HDAC9: variants seen among roughly 807,000 people sequenced by gnomAD.
The protein encoded by HDAC9 is histone deacetylase 9, also known as MEF-2 interacting transcription repressor (MITR) protein.
HDAC9 carries 41 observed loss-of-function variants against 139.4 expected under a neutral mutation model. The observed-to-expected ratio is 0.29, with a 90% CI of 0.23 to 0.38. The LOEUF (loss-of-function observed/expected upper bound fraction) is 0.38, where lower values mean the gene tolerates loss of function less well. HDAC9 is among the 10% of genes least tolerant of loss of function. The probability of loss-of-function intolerance (pLI) is 1.00; values close to 1 mark genes in which losing one functional copy is unlikely to be tolerated. For missense variants in HDAC9, 1,147 were observed against 1,297.0 expected (o/e 0.88, Z 1.78); for synonymous variants, 517 against 476.2 (o/e 1.09, Z -1.12).
intron 25 of HDAC9, among the ~76,000 whole-genome samples, chr7:18,988,368 C>T (rs995730234): frequency 2.5e-4 from 38 of 151,802 alleles, no homozygotes; most frequent in East Asian, 1.2e-3. Flanking sequence ...TGTAGTTGAG[C>T]GGTTTTGAGT....
chr7:18,207,800 C>T (rs4721703), intron 2 of HDAC9, among the ~76,000 whole-genome samples: 129,268 of 151,720 alleles, frequency 0.85, 55,395 homozygotes, highest in East Asian at 0.96. Context: ...CCACAACCTC[C>T]GCCTCCCGGG....
At chr7:18,477,392 T>C (rs1353637115) in intron 1 of HDAC9, among the ~76,000 whole-genome samples, 1 of 151,934 alleles carries the variant, frequency 6.6e-6, no homozygotes, top group Non-Finnish European at 1.5e-5. Flanking sequence ...CAGTTATGTG[T>C]GCGTGCGTGC....
chr7:18,908,190 TA>T (rs1166353850), intron 22 of HDAC9, among the ~76,000 whole-genome samples: 1 of 152,100 alleles, frequency 6.6e-6, no homozygotes, highest in Non-Finnish European at 1.5e-5. Flanking sequence ...ACATCAATTA[TA>T]GTGCCTTTAT....
At chr7:18,954,961 T>A (rs1585400913) in intron 24 of HDAC9, among the ~76,000 whole-genome samples, 1 of 152,040 alleles carries the variant, frequency 6.6e-6, no homozygotes, top group East Asian at 1.9e-4. Context: ...GAGATATGGG[T>A]TGACTGGAGT....
rs919289389 is a variant in HDAC9 at position 18,661,754 on chromosome 7, C to A, written c.1468-4459C>A. The stretch of plus-strand genomic sequence containing the variant: ...GAATTCTGCTCTTGGAAAAAGATCA[C>A]AACGTTATTTATTCTGGCTTTTTTC... On this transcript the variant is annotated intron_variant, in intron 11 of 25. Coordinates refer to ENST00000686413, the MANE Select transcript of HDAC9 (RefSeq NM_178425.4). Among the ~76,000 whole-genome samples, 48 of 152,262 alleles carry A rather than the reference C, an allele frequency of 3.2e-4. No individual in the cohort carries two copies. The Middle Eastern group carries it at 0.01, about 32-fold the overall frequency.
chr7:18,143,418 G>A (rs1236935260), intron 1 of HDAC9, among the ~76,000 whole-genome samples: 1 of 152,116 alleles, frequency 6.6e-6, no homozygotes, highest in Non-Finnish European at 1.5e-5. Flanking sequence ...TTATTGACAG[G>A]GTGGAGGCAG....
intron 12 of HDAC9, among the ~76,000 whole-genome samples, chr7:18,701,328 A>G (rs1262717386): frequency 6.6e-6 from 1 of 151,830 alleles, no homozygotes. Context: ...CTGTAATCTG[A>G]CATGCCAAAA....
intron 1 of HDAC9, among the ~76,000 whole-genome samples, chr7:18,096,883 T>TTGTG (rs59590063): frequency 0.2 from 28,564 of 145,136 alleles, 2,748 homozygotes; most frequent in Admixed American, 0.23. Flanking sequence ...CTTGTTGGCT[T>TTGTG]TGTGTGTGTG....
intron 1 of HDAC9, among the ~76,000 whole-genome samples, chr7:18,386,138 A>G (rs781419506): frequency 2.0e-4 from 30 of 152,158 alleles, no homozygotes; most frequent in Admixed American, 5.2e-4. Flanking sequence ...TAACTCATCA[A>G]TGAAGCTCTC....
rs191892978 is a variant in HDAC9, at chr7:18,615,383, A to G, written c.665-13967A>G. On this transcript the variant is annotated intron_variant, in intron 6 of 25. Transcript: ENST00000686413. ...TGTGTAAAACAACAGCAACAAAAAAAGGGAAATACTCCCATTCAAGTTTTG... is the reference window on the plus strand; with the variant it reads ...TGTGTAAAACAACAGCAACAAAAAAGGGGAAATACTCCCATTCAAGTTTTG... Among the ~76,000 whole-genome samples the G allele has an allele frequency of 3.8e-3, 579 of 152,322 alleles. 1 individual carries two copies. The highest frequency in any genetic ancestry group is 0.013 in the African/African-American group (544 of 41,588).
chr7:18,520,911 A>G (rs1185291312), intron 2 of HDAC9, among the ~76,000 whole-genome samples: 1 of 152,194 alleles, frequency 6.6e-6, no homozygotes, highest in Non-Finnish European at 1.5e-5. Flanking sequence ...TGAAGAAATT[A>G]TAGTTCTGAT....
chr7:18,290,807 A>G (rs1797757765), intron 1 of HDAC9, among the ~76,000 whole-genome samples: 1 of 152,220 alleles, frequency 6.6e-6, no homozygotes, highest in African/African-American at 2.4e-5. Context: ...TTGATGAATA[A>G]GTTCCTGTAC....
intron 1 of HDAC9, among the ~76,000 whole-genome samples, chr7:18,477,137 T>A (rs1795172012): frequency 6.6e-6 from 1 of 152,152 alleles, no homozygotes. Context: ...TTTCTCTGAC[T>A]CCAAAGCTAA....
intron 13 of HDAC9, among the ~76,000 whole-genome samples, chr7:18,742,216 A>C (rs978827756): frequency 6.6e-6 from 1 of 152,210 alleles, no homozygotes; most frequent in South Asian, 2.1e-4. Flanking sequence ...ATGTTTTGTG[A>C]AAGGAAGATT....
chr7:18,206,911 A>C (rs1791551586), intron 2 of HDAC9, among the ~76,000 whole-genome samples: 1 of 149,988 alleles, frequency 6.7e-6, no homozygotes, highest in African/African-American at 2.5e-5. Flanking sequence ...CATTCAAAAA[A>C]TGATTCGAGA....
At chr7:18,459,484 T>C (rs1243905712) in intron 1 of HDAC9, among the ~76,000 whole-genome samples, 2 of 152,154 alleles carry the variant, frequency 1.3e-5, no homozygotes, top group Non-Finnish European at 2.9e-5. Flanking sequence ...TTTAAAGCAT[T>C]TGTCTTCTGG....
At chr7:18,475,437 CT>C (rs1243617901) in intron 1 of HDAC9, among the ~76,000 whole-genome samples, 1 of 152,176 alleles carries the variant, frequency 6.6e-6, no homozygotes, top group Non-Finnish European at 1.5e-5. Context: ...ACCATTTCCC[CT>C]GTCCCGGGAG....
At position 18,997,448 on chromosome 7, in the gene HDAC9, A is replaced by AACAT. The variant is rs1445555453; in HGVS notation, c.*1388_*1391dup. The AACAT allele has an allele frequency of 1.3e-5, 2 of 152,196 alleles. No homozygotes were observed. Among genetic ancestry groups the AACAT allele is most frequent in the African/African-American group, 4.8e-5 (2 of 41,474 alleles). 9.4% of individuals were successfully genotyped at this position (152,196 alleles called of 1,614,324 possible). A position where few individuals can be genotyped will look rare whatever the true frequency, so the allele number is the denominator to read the frequency against. ...CTCCTACCTCCTAAAATTCGATTTCAACATATAACTCAAACACCTAAACAT... is the reference window on the plus strand; with the variant it reads ...CTCCTACCTCCTAAAATTCGATTTCAACATACATATAACTCAAACACCTAAACAT... On this transcript the variant is annotated 3_prime_UTR_variant, in exon 26 of 26. Coordinates refer to ENST00000686413, the MANE Select transcript of HDAC9 (RefSeq NM_178425.4).
At chr7:18,462,307 G>T (rs533623994) in intron 1 of HDAC9, among the ~76,000 whole-genome samples, 9 of 151,824 alleles carry the variant, frequency 5.9e-5, no homozygotes, top group Admixed American at 1.3e-4. Flanking sequence ...ACTCTTCATA[G>T]AACTGTTTTA....
Sources: allele counts gnomAD v4.1 joint callset (sites outside exome capture counted in the v4.1 genomes callset), GRCh38; gene constraint gnomAD v4.1.1; transcripts MANE v1.5; gene names NCBI Gene and HGNC (gene_info 2026-07-23, HGNC 2026-07-21).